The following ACTN2 variants were observed in gnomAD, a reference collection of about 807,000 sequenced individuals.
ACTN2 encodes alpha-actinin-2.
In ACTN2, 39 loss-of-function variants were observed where a neutral mutation model predicts 113.8. That is an observed-to-expected ratio of 0.34 (90% confidence interval 0.27 to 0.45). The LOEUF is 0.45. ACTN2 is among the 20% of genes least tolerant of loss of function. The pLI, the probability that ACTN2 is intolerant of heterozygous loss-of-function variation, is 1.00. For missense variants in ACTN2, 992 were observed against 1,177.9 expected (o/e 0.84, Z 2.31); for synonymous variants, 429 against 444.1 (o/e 0.97, Z 0.43).
intron 12 of ACTN2, among the ~76,000 whole-genome samples, chr1:236,745,237 A>G (rs900124272): frequency 6.6e-6 from 1 of 152,062 alleles, no homozygotes; most frequent in African/African-American, 2.4e-5. Flanking sequence ...GATCGAGACC[A>G]TCCTGGCTAA....
At chr1:236,753,898 A>G (rs1158562938) in intron 15 of ACTN2, 49 bp from the exon 16 acceptor site, 2 of 1,576,528 alleles carry the variant, frequency 1.3e-6, no homozygotes, top group South Asian at 2.2e-5. Flanking sequence ...GGTTGTTCCT[A>G]TGAGACCACA....
intron 17 of ACTN2, among the ~76,000 whole-genome samples, chr1:236,755,569 T>G (rs534930357): frequency 6.6e-6 from 1 of 152,240 alleles, no homozygotes; most frequent in South Asian, 2.1e-4. Context: ...TGGGAAAATA[T>G]TTTTAGTGAC....
At chr1:236,709,173 C>T (rs1657921562) in intron 1 of ACTN2, among the ~76,000 whole-genome samples, 1 of 142,174 alleles carries the variant, frequency 7.0e-6, no homozygotes, top group Non-Finnish European at 1.5e-5. Flanking sequence ...CTTCTCCTCT[C>T]AATAATCTTT....
chr1:236,734,187 C>G (rs1658797301), intron 7 of ACTN2, among the ~76,000 whole-genome samples: 1 of 152,164 alleles, frequency 6.6e-6, no homozygotes, highest in African/African-American at 2.4e-5. Context: ...TAGGTTAGGG[C>G]TCTTCTGGGT....
intron 7 of ACTN2, 73 bp downstream of exon 7, chr1:236,731,387 C>T (rs1409714055): frequency 3.9e-6 from 5 of 1,283,350 alleles, no homozygotes; most frequent in African/African-American, 1.5e-5. Context: ...CACATTGGGA[C>T]CTTGCAAAAT....
intron 11 of ACTN2, 139 bp downstream of exon 11, chr1:236,743,182 C>G: frequency 9.5e-7 from 1 of 1,048,332 alleles, no homozygotes; most frequent in Non-Finnish European, 1.4e-6. Flanking sequence ...CTGCTCTTGT[C>G]TCAGTGCCAA....
rs180837328 is a variant in ACTN2, at chr1:236,728,439, G to T, written c.615+683G>T. On this transcript the variant is annotated intron_variant, in intron 6 of 20. Coordinates refer to ENST00000366578, the MANE Select transcript of ACTN2 (RefSeq NM_001103.4). ...ATTACAGGCGTGAGCCCCTGTGCCC[G>T]GCCCATCCAAGCCTTTTTAAAGTCA... is the stretch of plus-strand genomic sequence containing the variant. Among the ~76,000 whole-genome samples, 107 of 152,262 alleles carry T rather than the reference G, an allele frequency of 7.0e-4. No homozygotes were observed. In the East Asian group the frequency reaches 0.018, roughly 26 times the overall value.
chr1:236,761,413 A>G (rs1659703927), intron 20 of ACTN2, among the ~76,000 whole-genome samples: 1 of 143,784 alleles, frequency 7.0e-6, no homozygotes, highest in Non-Finnish European at 1.5e-5. Context: ...TAGAAGGGAC[A>G]AGAGTGTATT....
intron 4 of ACTN2, among the ~76,000 whole-genome samples, chr1:236,723,883 A>G (rs965905407): frequency 1.1e-4 from 17 of 152,160 alleles, no homozygotes; most frequent in African/African-American, 3.6e-4. Context: ...GAATTTCTAA[A>G]TTGTTAACAT....
chr1:236,697,260 A>AGGCT (rs1469851999), intron 1 of ACTN2, among the ~76,000 whole-genome samples: 1 of 152,144 alleles, frequency 6.6e-6, no homozygotes, highest in Non-Finnish European at 1.5e-5. Context: ...GGGGAGGTTG[A>AGGCT]GGCTGCAGTG....
At chr1:236,744,912 G>A in intron 12 of ACTN2, 136 bp downstream of exon 12, 1 of 1,168,958 alleles carries the variant, frequency 8.6e-7, no homozygotes, top group South Asian at 1.5e-5. Flanking sequence ...GATTCTCCTT[G>A]TTTCTTTAAA....
chr1:236,740,615 C>G (rs1399476185), intron 10 of ACTN2, among the ~76,000 whole-genome samples: 1 of 151,824 alleles, frequency 6.6e-6, no homozygotes, highest in Non-Finnish European at 1.5e-5. Context: ...TCACTGCAAC[C>G]TCTGCCTCCC....
chr1:236,716,835 A>ATTTT (rs36142948), intron 1 of ACTN2, among the ~76,000 whole-genome samples: 80,283 of 116,244 alleles, frequency 0.69, 30,546 homozygotes, highest in Non-Finnish European at 0.8. Flanking sequence ...CATTTTGAAC[A>ATTTT]TTTTTTTTTT....
chr1:236,689,312 T>G (rs1665986435), intron 1 of ACTN2, among the ~76,000 whole-genome samples: 1 of 31,502 alleles, frequency 3.2e-5, no homozygotes, highest in African/African-American at 8.9e-5. Flanking sequence ...TATATATATA[T>G]ATATATATAT....
chr1:236,736,289 T>C (rs907958406), intron 8 of ACTN2, among the ~76,000 whole-genome samples: 1 of 152,220 alleles, frequency 6.6e-6, no homozygotes, highest in Non-Finnish European at 1.5e-5. Context: ...TTCCTCTCCT[T>C]GGAGGATCTT....
chr1:236,713,123 A>G (rs1658085897), intron 1 of ACTN2, among the ~76,000 whole-genome samples: 1 of 152,206 alleles, frequency 6.6e-6, no homozygotes, highest in Admixed American at 6.5e-5. Context: ...CTAGTTACAT[A>G]AAATACGGTT....
In ACTN2 at chr1:236,744,728, C is replaced by A; in HGVS notation, c.1358C>A (p.Ala453Glu). ...KHEAFESDLA[A>E]HQDRVEQIAA... ...GAGGCGTTCGAGAGCGACCTGGCAGCGCACCAGGACCGCGTGGAGCAGATC... is the reference window on the plus strand; with the variant it reads ...GAGGCGTTCGAGAGCGACCTGGCAGAGCACCAGGACCGCGTGGAGCAGATC... The change falls in exon 12 of 21, where the codon GCG becomes GAG. Residue 453 changes from alanine (A) to glutamate (E), a missense_variant. Transcript: ENST00000366578. 6.2e-7 allele frequency: 1 copy of A among 1,614,184 alleles called. No individual in the cohort carries two copies. The highest frequency in any genetic ancestry group is 8.5e-7 in the Non-Finnish European group (1 of 1,180,036).
At chr1:236,691,456 A>G (rs1421197421) in intron 1 of ACTN2, among the ~76,000 whole-genome samples, 2 of 151,674 alleles carry the variant, frequency 1.3e-5, no homozygotes, top group East Asian at 2.0e-4. Flanking sequence ...TGGCCTGGGC[A>G]ACACAGCAAG....
Position 236,751,672 on chromosome 1 carries a change from G to T in ACTN2, c.1839+20G>T. ...GACAAGGTGGGTGGCTGAGGGCCTG[G>T]TGTGGGACCAGGGGGCATTCTTGAA... On this transcript the variant is annotated intron_variant, in intron 15 of 20. Coordinates refer to ENST00000366578, the MANE Select transcript of ACTN2 (RefSeq NM_001103.4). The T allele has an allele frequency of 6.2e-7, 1 of 1,613,878 alleles. No individual in the cohort carries two copies. The highest frequency in any genetic ancestry group is 8.5e-7 in the Non-Finnish European group (1 of 1,179,806).
Sources: allele counts gnomAD v4.1 joint callset (sites outside exome capture counted in the v4.1 genomes callset), GRCh38; gene constraint gnomAD v4.1.1; transcripts MANE v1.5; gene names NCBI Gene and HGNC (gene_info 2026-07-23, HGNC 2026-07-21).